PLCL2: variants seen among roughly 807,000 people sequenced by gnomAD.
The protein encoded by PLCL2 is phospholipase C like 2.
In PLCL2, 4 loss-of-function variants were observed where a neutral mutation model predicts 79.6. That is an observed-to-expected ratio of 0.05 (90% CI 0.02 to 0.11). The LOEUF (loss-of-function observed/expected upper bound fraction) is 0.11, where lower values mean the gene tolerates loss of function less well. Ranked by LOEUF, PLCL2 falls within the 10% of genes least tolerant of loss-of-function variation. The probability of loss-of-function intolerance (pLI) is 1.00; values close to 1 mark genes in which losing one functional copy is unlikely to be tolerated. For missense variants in PLCL2, 895 were observed against 1,291.0 expected (o/e 0.69, Z 4.70); for synonymous variants, 484 against 457.7 (o/e 1.06, Z -0.73).
chr3:16,911,891 T>C (rs1340610663), intron 1 of PLCL2, among the ~76,000 whole-genome samples: 2 of 152,224 alleles, frequency 1.3e-5, no homozygotes, highest in African/African-American at 2.4e-5. Context: ...TTGCTTTCAG[T>C]GTACATAAAC....
chr3:16,980,909 G>A (rs1042729062), intron 1 of PLCL2, among the ~76,000 whole-genome samples: 4 of 152,242 alleles, frequency 2.6e-5, no homozygotes, highest in Non-Finnish European at 5.9e-5. Flanking sequence ...CGAGGCTGGC[G>A]GATCACTCAC....
chr3:16,901,504 C>G (rs949853607), intron 1 of PLCL2, among the ~76,000 whole-genome samples: 11 of 152,232 alleles, frequency 7.2e-5, no homozygotes, highest in Non-Finnish European at 7.3e-5. Context: ...TCACCACCCC[C>G]TCACCGTCCT....
At chr3:17,050,738 G>T (rs1343755369) in intron 4 of PLCL2, among the ~76,000 whole-genome samples, 1 of 152,082 alleles carries the variant, frequency 6.6e-6, no homozygotes, top group Non-Finnish European at 1.5e-5. Context: ...CAGTTTGAAG[G>T]TTCCTCAAAA....
intron 3 of PLCL2, among the ~76,000 whole-genome samples, chr3:17,032,100 T>C (rs934478962): frequency 6.6e-6 from 1 of 152,124 alleles, no homozygotes; most frequent in African/African-American, 2.4e-5. Flanking sequence ...AAACTAAAAT[T>C]TGAGGTTTAG....
intron 1 of PLCL2, among the ~76,000 whole-genome samples, chr3:16,954,790 T>A (rs546788200): frequency 5.2e-4 from 79 of 152,328 alleles, no homozygotes; most frequent in African/African-American, 1.7e-3. Context: ...ATGGTGAGCA[T>A]TTTTTGGTGT....
intron 1 of PLCL2, among the ~76,000 whole-genome samples, chr3:16,978,739 T>C (rs893387002): frequency 6.6e-6 from 1 of 152,242 alleles, no homozygotes; most frequent in African/African-American, 2.4e-5. Context: ...GAGGACATCG[T>C]GTCAGTGCAA....
At chr3:17,063,244 G>GCCTCCCTCCCTCCCTCCCTC (rs2064971233) in intron 4 of PLCL2, among the ~76,000 whole-genome samples, 3 of 6,452 alleles carry the variant, frequency 4.6e-4, no homozygotes, top group Non-Finnish European at 7.1e-4. Context: ...CTCCCTCCCT[G>GCCTCCCTCCCTCCCTCCCTC]CCTTCCTCCC....
chr3:17,078,467 A>G lies in PLCL2; in HGVS notation c.3204+10402A>G, dbSNP rs1042196313. 4.7e-5 allele frequency among the ~76,000 whole-genome samples: 7 copies of G among 148,584 alleles called. No homozygotes were observed. In the East Asian group the frequency reaches 1.4e-3, roughly 30 times the overall value. On this transcript the variant is annotated intron_variant, in intron 5 of 5. Transcript: ENST00000615277. ...TGGGATGGCTGGGCTTTTTTTTTTT[A>G]TAGCATCTATATCGTATCTTGGACT...
chr3:16,948,732 A>G (rs950711944), intron 1 of PLCL2, among the ~76,000 whole-genome samples: 1 of 152,198 alleles, frequency 6.6e-6, no homozygotes, highest in Non-Finnish European at 1.5e-5. Context: ...ATGAATAGAG[A>G]ACAGATTCCT....
chr3:16,922,064 G>A (rs1697136482), intron 1 of PLCL2, among the ~76,000 whole-genome samples: 1 of 152,112 alleles, frequency 6.6e-6, no homozygotes, highest in South Asian at 2.1e-4. Flanking sequence ...GTCAGGGTAG[G>A]AGGAAAATTT....
chr3:16,932,316 T>C (rs1187707293), intron 1 of PLCL2, among the ~76,000 whole-genome samples: 1 of 152,228 alleles, frequency 6.6e-6, no homozygotes. Context: ...TTATTTCAGG[T>C]TAGTAACATC....
chr3:17,040,528 C>T (rs1346425441), intron 3 of PLCL2, among the ~76,000 whole-genome samples: 1 of 152,114 alleles, frequency 6.6e-6, no homozygotes, highest in Non-Finnish European at 1.5e-5. Flanking sequence ...TTTGGGGCTA[C>T]CAGAAAATGC....
intron 1 of PLCL2, among the ~76,000 whole-genome samples, chr3:16,936,390 G>A (rs17200557): frequency 1.3e-5 from 2 of 152,154 alleles, no homozygotes; most frequent in Admixed American, 1.3e-4. Flanking sequence ...CGAAGCCCTG[G>A]TTCCCAGTAA....
At chr3:17,018,466 C>G (rs1298749823) in intron 3 of PLCL2, among the ~76,000 whole-genome samples, 1 of 152,194 alleles carries the variant, frequency 6.6e-6, no homozygotes, top group East Asian at 1.9e-4. Flanking sequence ...CATCTTCCTC[C>G]AGTCAGCTTG....
chr3:16,898,755 G>A (rs116245468), intron 1 of PLCL2, among the ~76,000 whole-genome samples: 4,198 of 152,330 alleles, frequency 0.028, 89 homozygotes, highest in South Asian at 0.056. Flanking sequence ...AACTCTCAGG[G>A]CCGTCATTCC....
intron 1 of PLCL2, among the ~76,000 whole-genome samples, chr3:16,964,640 T>C (rs1337875212): frequency 6.6e-6 from 1 of 152,074 alleles, no homozygotes; most frequent in Admixed American, 6.6e-5. Flanking sequence ...CCACCAACAG[T>C]GTAAAAGTGT....
intron 1 of PLCL2, among the ~76,000 whole-genome samples, chr3:16,891,541 A>G (rs372330088): frequency 4.6e-5 from 7 of 152,214 alleles, no homozygotes; most frequent in African/African-American, 1.2e-4. Context: ...TCTAAATCTG[A>G]TACCTCAGTA....
At chr3:16,922,865 T>C (rs887155864) in intron 1 of PLCL2, among the ~76,000 whole-genome samples, 9 of 152,138 alleles carry the variant, frequency 5.9e-5, no homozygotes, top group Middle Eastern at 3.4e-3. Flanking sequence ...CATCCATTAA[T>C]ACCTTGGAGA....
chr3:16,982,489 A>G (rs2064009688), intron 1 of PLCL2, among the ~76,000 whole-genome samples: 1 of 152,236 alleles, frequency 6.6e-6, no homozygotes, highest in Non-Finnish European at 1.5e-5. Context: ...GCCCAAAGCC[A>G]AGACAGAAAT....
Sources: allele counts gnomAD v4.1 joint callset (sites outside exome capture counted in the v4.1 genomes callset), GRCh38; gene constraint gnomAD v4.1.1; transcripts MANE v1.5; gene names NCBI Gene and HGNC (gene_info 2026-07-23, HGNC 2026-07-21).